The following GPC3 variants were observed in gnomAD, a reference collection of about 807,000 sequenced individuals.
The protein encoded by GPC3 is glypican 3, also known as glypican-3.
GPC3 carries 3 observed loss-of-function variants against 34.4 expected under a neutral mutation model. That is an observed-to-expected ratio of 0.09 (90% CI 0.04 to 0.23). GPC3 has a LOEUF of 0.23. GPC3 is among the 10% of genes least tolerant of loss of function. The pLI, the probability that GPC3 is intolerant of heterozygous loss-of-function variation, is 1.00. For missense variants in GPC3, 351 were observed against 445.6 expected (o/e 0.79, Z 1.91); for synonymous variants, 177 against 174.0 (o/e 1.02, Z -0.13).
At chrX:133,704,424 G>A (rs2071196353) in intron 3 of GPC3, among the ~76,000 whole-genome samples, 1 of 106,687 alleles carries the variant, frequency 9.4e-6, no homozygotes, top group South Asian at 4.2e-4. Flanking sequence ...TTTAATATAA[G>A]TTTTACGTCA....
chrX:133,769,154 A>T (rs746584543), intron 2 of GPC3, among the ~76,000 whole-genome samples: 2 of 111,683 alleles, frequency 1.8e-5, no homozygotes, highest in Admixed American at 1.9e-4. Flanking sequence ...ATACTACATG[A>T]TACTACTTAT....
intron 2 of GPC3, among the ~76,000 whole-genome samples, chrX:133,848,219 T>G (rs1413542339): frequency 8.9e-6 from 1 of 112,175 alleles, no homozygotes; most frequent in East Asian, 2.8e-4. Flanking sequence ...TGACACTTTA[T>G]GGTTACTGAC....
At chrX:133,581,949 C>T (rs1301816898) in intron 7 of GPC3, among the ~76,000 whole-genome samples, 1 of 112,117 alleles carries the variant, frequency 8.9e-6, no homozygotes, top group Non-Finnish European at 1.9e-5. Flanking sequence ...GTGCTATTAA[C>T]ATTTTCTCCT....
chrX:133,648,953 G>T (rs1265454377), intron 6 of GPC3, among the ~76,000 whole-genome samples: 1 of 111,879 alleles, frequency 8.9e-6, no homozygotes, highest in African/African-American at 3.3e-5. Context: ...CATAGTACTT[G>T]GTTTATATTT....
intron 2 of GPC3, among the ~76,000 whole-genome samples, chrX:133,801,511 GA>G (rs2075609379): frequency 9.0e-6 from 1 of 111,390 alleles, no homozygotes; most frequent in Admixed American, 9.5e-5. Flanking sequence ...AATCATGCAG[GA>G]AAAAAATCAC....
intron 2 of GPC3, among the ~76,000 whole-genome samples, chrX:133,793,203 A>G (rs2072185496): frequency 1.8e-5 from 2 of 111,848 alleles, no homozygotes; most frequent in African/African-American, 6.5e-5. Flanking sequence ...TATACACATT[A>G]TAAGTTGGGG....
intron 2 of GPC3, among the ~76,000 whole-genome samples, chrX:133,891,117 C>T (rs1417822087): frequency 1.8e-5 from 2 of 111,456 alleles, no homozygotes; most frequent in Admixed American, 9.6e-5. Context: ...GAATGAAGTT[C>T]TGATACATGC....
chrX:133,618,109 A>C (rs1410776119), intron 6 of GPC3, among the ~76,000 whole-genome samples: 2 of 112,407 alleles, frequency 1.8e-5, no homozygotes, highest in Non-Finnish European at 3.8e-5. Context: ...TTTTGAAATA[A>C]ATAAATTTTG....
At chrX:133,709,136 T>C (rs1054266950) in intron 3 of GPC3, among the ~76,000 whole-genome samples, 1 of 112,199 alleles carries the variant, frequency 8.9e-6, no homozygotes, top group Non-Finnish European at 1.9e-5. Flanking sequence ...GAAGTGTTAT[T>C]ATAATGTCTC....
chrX:133,583,554 G>A (rs1056895102), intron 7 of GPC3, among the ~76,000 whole-genome samples: 1 of 110,675 alleles, frequency 9.0e-6, no homozygotes, highest in Non-Finnish European at 1.9e-5. Flanking sequence ...TAGTAGAGAC[G>A]GGATGTTGCC....
intron 6 of GPC3, among the ~76,000 whole-genome samples, chrX:133,622,014 C>T (rs2070238624): frequency 8.9e-6 from 1 of 112,113 alleles, no homozygotes; most frequent in African/African-American, 3.2e-5. Flanking sequence ...GTTCTGCAGC[C>T]TCTGCTGGTG....
At chrX:133,683,199 C>T (rs990587653) in intron 5 of GPC3, among the ~76,000 whole-genome samples, 6 of 111,587 alleles carry the variant, frequency 5.4e-5, no homozygotes, top group Admixed American at 1.9e-4. Context: ...ATTTGGAAGA[C>T]TGGCAGCATC....
chrX:133,709,794 T>C (rs2071251419), intron 3 of GPC3, among the ~76,000 whole-genome samples: 1 of 112,435 alleles, frequency 8.9e-6, no homozygotes, highest in African/African-American at 3.2e-5. Flanking sequence ...ATTCTTATTA[T>C]ATGCTTGTAA....
At chrX:133,984,986 C>T (rs1269017873) in intron 1 of GPC3, among the ~76,000 whole-genome samples, 1 of 111,862 alleles carries the variant, frequency 8.9e-6, no homozygotes, top group African/African-American at 3.3e-5. Flanking sequence ...CCCACCTTCT[C>T]GCCCTTCCAA....
chrX:133,696,687 G>A (rs1402320778), intron 4 of GPC3, among the ~76,000 whole-genome samples: 1 of 111,603 alleles, frequency 9.0e-6, no homozygotes, highest in Non-Finnish European at 1.9e-5. Flanking sequence ...ATTGTTCCTA[G>A]GGGAAAAAAA....
chrX:133,914,457 C>G (rs984624115), intron 2 of GPC3, among the ~76,000 whole-genome samples: 7 of 111,159 alleles, frequency 6.3e-5, no homozygotes, highest in African/African-American at 1.6e-4. Flanking sequence ...TTTGTACTTT[C>G]TCGTCCCAGT....
chrX:133,967,913 C>T (rs2076471169), intron 1 of GPC3, among the ~76,000 whole-genome samples: 1 of 112,532 alleles, frequency 8.9e-6, no homozygotes, highest in Non-Finnish European at 1.9e-5. Flanking sequence ...GTGGCATGAG[C>T]CACCGTGTCC....
intron 6 of GPC3, among the ~76,000 whole-genome samples, chrX:133,614,883 C>A (rs1273883945): frequency 9.0e-6 from 1 of 111,481 alleles, no homozygotes; most frequent in African/African-American, 3.3e-5. Flanking sequence ...ACTGATCTTA[C>A]AGAGCTATAG....
chrX:133,706,715 G>C (rs770129663), intron 3 of GPC3, among the ~76,000 whole-genome samples: 1 of 112,114 alleles, frequency 8.9e-6, no homozygotes, highest in Admixed American at 9.5e-5. Context: ...AGATGCTGGT[G>C]AGGATGCAGA....
Sources: gnomAD v4.1 joint callset for allele counts (sites outside exome capture counted in the v4.1 genomes callset) on GRCh38, gnomAD v4.1.1 for gene constraint, MANE v1.5 for transcripts, NCBI Gene and HGNC (gene_info 2026-07-23, HGNC 2026-07-21) for gene names.